Variants in RBFOX1 observed in about 807,000 individuals in gnomAD.
RBFOX1 encodes RNA binding protein fox-1 homolog 1.
In RBFOX1, 8 loss-of-function variants were observed where a neutral mutation model predicts 57.7. The ratio of observed to expected loss-of-function variants is 0.14; its 90% CI spans 0.08 to 0.25. The LOEUF (loss-of-function observed/expected upper bound fraction) is 0.25, where lower values mean the gene tolerates loss of function less well. RBFOX1 is among the 10% of genes least tolerant of loss of function. The pLI, the probability that RBFOX1 is intolerant of heterozygous loss-of-function variation, is 1.00. For synonymous variants in RBFOX1, 326 were observed against 222.4 expected, an observed-to-expected ratio of 1.47 and a Z score of -4.15; for missense variants, 611 against 548.5, an observed-to-expected ratio of 1.11 and a Z score of -1.14.
chr16:6,558,981 C>T (rs951343400), intron 2 of RBFOX1, among the ~76,000 whole-genome samples: 3 of 152,060 alleles, frequency 2.0e-5, no homozygotes, highest in African/African-American at 7.2e-5. Flanking sequence ...TCAAAAATGC[C>T]GCTTCCTCCA....
intron 4 of RBFOX1, among the ~76,000 whole-genome samples, chr16:7,243,151 A>C (rs547442253): frequency 1.3e-5 from 2 of 152,294 alleles, no homozygotes; most frequent in East Asian, 3.9e-4. Context: ...ATTGTAACAC[A>C]CCCAGTATTA....
intron 3 of RBFOX1, among the ~76,000 whole-genome samples, chr16:6,763,524 G>A (rs1344609936): frequency 6.6e-6 from 1 of 152,148 alleles, no homozygotes; most frequent in Admixed American, 6.5e-5. Context: ...GTTGACTTGG[G>A]TTATAGCAAC....
At chr16:6,724,036 G>C (rs1050498302) in intron 3 of RBFOX1, 6 of 152,058 alleles carry the variant, frequency 3.9e-5, no homozygotes, top group Admixed American at 2.0e-4. Flanking sequence ...CTGAATATTT[G>C]TGTACCCTGA....
intron 4 of RBFOX1, among the ~76,000 whole-genome samples, chr16:7,158,012 A>G (rs1471933115): frequency 3.3e-5 from 5 of 152,294 alleles, no homozygotes; most frequent in Non-Finnish European, 5.9e-5. Context: ...GAAAAATTCT[A>G]TGTAGCTTTT....
chr16:6,637,829 T>A (rs2098457976), intron 2 of RBFOX1, among the ~76,000 whole-genome samples: 1 of 152,060 alleles, frequency 6.6e-6, no homozygotes, highest in South Asian at 2.1e-4. Flanking sequence ...TGGAGGTCCT[T>A]TCTGCACTGG....
At chr16:6,966,998 C>A (rs1246903841) in intron 3 of RBFOX1, among the ~76,000 whole-genome samples, 1 of 151,904 alleles carries the variant, frequency 6.6e-6, no homozygotes, top group Admixed American at 6.6e-5. Flanking sequence ...CTTATACATC[C>A]CTCTTTTATT....
At chr16:6,388,985 G>C (rs925697779) in intron 2 of RBFOX1, among the ~76,000 whole-genome samples, 1 of 152,140 alleles carries the variant, frequency 6.6e-6, no homozygotes, top group African/African-American at 2.4e-5. Context: ...AAGGTCCCTG[G>C]ATCCAGCTAA....
chr16:6,636,664 G>A (rs2098436199), intron 2 of RBFOX1, among the ~76,000 whole-genome samples: 1 of 149,572 alleles, frequency 6.7e-6, no homozygotes, highest in South Asian at 2.1e-4. Context: ...TGCCTCAACC[G>A]AGCTACATCA....
At chr16:5,715,379 ACTTACT>A (rs1445719493) in intron 3 of RBFOX1, among the ~76,000 whole-genome samples, 1 of 152,142 alleles carries the variant, frequency 6.6e-6, no homozygotes, top group Non-Finnish European at 1.5e-5. Context: ...TATTGTCCAC[ACTTACT>A]CAAGGATGGG....
intron 3 of RBFOX1, among the ~76,000 whole-genome samples, chr16:5,747,597 G>A (rs893973432): frequency 6.6e-6 from 1 of 152,120 alleles, no homozygotes; most frequent in African/African-American, 2.4e-5. Flanking sequence ...CTTATACCTG[G>A]TTTAGTCTTG....
intron 1 of RBFOX1, among the ~76,000 whole-genome samples, chr16:6,082,787 G>A (rs1197572084): frequency 1.3e-5 from 2 of 152,106 alleles, no homozygotes; most frequent in African/African-American, 2.4e-5. Flanking sequence ...GAGGATATCA[G>A]TTTGGCTTGT....
chr16:7,556,353 C>T (rs2152603399), intron 5 of RBFOX1, among the ~76,000 whole-genome samples: 1 of 152,294 alleles, frequency 6.6e-6, no homozygotes, highest in Non-Finnish European at 1.5e-5. Flanking sequence ...AACCACGGCA[C>T]ATGAAGAAAT....
intron 3 of RBFOX1, among the ~76,000 whole-genome samples, chr16:6,879,624 C>T (rs987519771): frequency 2.0e-5 from 3 of 152,120 alleles, no homozygotes; most frequent in Non-Finnish European, 2.9e-5. Flanking sequence ...ATATGTCATG[C>T]GATGTTTTAG....
In RBFOX1 at chr16:6,815,156, C is replaced by T. The variant is rs145528200; in HGVS notation, c.-16+160506C>T. ...TGTTGCTACAGCATTTGTAAACTGTCATGGCGCTGGTGAGAGTGCTGTTGA... is the reference window on the plus strand; with the variant it reads ...TGTTGCTACAGCATTTGTAAACTGTTATGGCGCTGGTGAGAGTGCTGTTGA... On this transcript the variant is annotated intron_variant, in intron 3 of 15. Transcript: ENST00000550418. 2.8e-4 allele frequency among the ~76,000 whole-genome samples: 42 copies of T among 152,280 alleles called. 1 individual carries two copies. Among genetic ancestry groups the T allele is most frequent in the African/African-American group, 9.9e-4 (41 of 41,574 alleles).
intron 14 of RBFOX1, among the ~76,000 whole-genome samples, chr16:7,679,511 G>A (rs2074210390): frequency 6.6e-6 from 1 of 152,168 alleles, no homozygotes; most frequent in South Asian, 2.1e-4. Flanking sequence ...GATCAAAAGA[G>A]AAACAGCAAC....
intron 3 of RBFOX1, among the ~76,000 whole-genome samples, chr16:6,711,419 C>G (rs1279279060): frequency 6.6e-6 from 1 of 152,144 alleles, no homozygotes; most frequent in Non-Finnish European, 1.5e-5. Flanking sequence ...CTCTGTGTCC[C>G]CACTCAAATC....
intron 3 of RBFOX1, among the ~76,000 whole-genome samples, chr16:6,986,019 C>G (rs1271220683): frequency 5.3e-5 from 8 of 151,528 alleles, no homozygotes; most frequent in East Asian, 1.9e-4. Context: ...CTTGCAGAAA[C>G]TCACTTTAGA....
chr16:5,456,341 A>G (rs1053113205), intron 1 of RBFOX1, among the ~76,000 whole-genome samples: 3 of 152,180 alleles, frequency 2.0e-5, no homozygotes, highest in African/African-American at 7.2e-5. Context: ...GGGAGAAAAA[A>G]AGTGAAACTC....
chr16:7,179,319 C>G (rs1055015673), intron 4 of RBFOX1, among the ~76,000 whole-genome samples: 2 of 151,794 alleles, frequency 1.3e-5, no homozygotes, highest in African/African-American at 4.8e-5. Flanking sequence ...TTCAAACATT[C>G]TCAAAGCACC....
Sources: allele counts gnomAD v4.1 joint callset (sites outside exome capture counted in the v4.1 genomes callset), GRCh38; gene constraint gnomAD v4.1.1; transcripts MANE v1.5; gene names NCBI Gene and HGNC (gene_info 2026-07-23, HGNC 2026-07-21).